Variants in FHIP1A observed in about 807,000 individuals in gnomAD.
FHIP1A encodes FHF complex subunit HOOK-interacting protein 1A.
FHIP1A carries 61 observed loss-of-function variants against 88.6 expected under a neutral mutation model. That is an observed-to-expected ratio of 0.69 (90% CI 0.56 to 0.85). FHIP1A has a LOEUF of 0.85. Ranked by LOEUF, FHIP1A falls within the 40% of genes least tolerant of loss-of-function variation. FHIP1A has a pLI of 0.00. For synonymous variants in FHIP1A, 478 were observed against 496.0 expected (o/e 0.96, Z 0.48); for missense variants, 1,154 against 1,273.5 (o/e 0.91, Z 1.43).
intron 9 of FHIP1A, among the ~76,000 whole-genome samples, chr4:151,642,802 C>G: frequency 6.6e-6 from 1 of 151,644 alleles, no homozygotes; most frequent in East Asian, 1.9e-4. Context: ...AAATAAGAAA[C>G]AGGCCCAGGG....
At chr4:151,654,677 A>AT (rs1371138571) in intron 11 of FHIP1A, among the ~76,000 whole-genome samples, 3 of 152,104 alleles carry the variant, frequency 2.0e-5, no homozygotes, top group Non-Finnish European at 2.9e-5. Context: ...TGCCATTGAC[A>AT]TTTCTGGGGT....
chr4:151,662,849 T>C lies in FHIP1A; in HGVS notation c.*95T>C. On this transcript the variant is annotated 3_prime_UTR_variant, in exon 14 of 14. Transcript: ENST00000435205. ...CAAAGCTGCTTACAAAGATTTCTAC[T>C]TTAATGTTTCCTGACAATACTTGAT... 8.4e-7 allele frequency: 1 copy of C among 1,184,108 alleles called. No homozygotes were observed. The highest frequency in any genetic ancestry group is 1.1e-6 in the Non-Finnish European group (1 of 880,134). 73.4% of individuals were successfully genotyped at this position (1,184,108 alleles called of 1,614,324 possible).
In FHIP1A at chr4:151,662,803, G is replaced by A; in HGVS notation, c.*49G>A. The A allele has an allele frequency of 2.2e-6, 3 of 1,371,842 alleles. No homozygotes were observed. Among genetic ancestry groups the A allele is most frequent in the South Asian group, 3.2e-5 (2 of 62,426 alleles). 85.0% of individuals were successfully genotyped at this position (1,371,842 alleles called of 1,614,324 possible). Reference sequence around the variant, plus strand: ...GGTTCTTGTTTTGTAAGGTTTTAGTGTCTTGACTGAATGTTAAATGCAAAG... The same window carrying A: ...GGTTCTTGTTTTGTAAGGTTTTAGTATCTTGACTGAATGTTAAATGCAAAG... On this transcript the variant is annotated 3_prime_UTR_variant, in exon 14 of 14. Transcript: ENST00000435205.
At chr4:151,471,704 G>A (rs1724050288) in intron 2 of FHIP1A, among the ~76,000 whole-genome samples, 1 of 151,780 alleles carries the variant, frequency 6.6e-6, no homozygotes, top group Non-Finnish European at 1.5e-5. Flanking sequence ...TGAGATTTTG[G>A]TGCACCCATC....
Position 151,662,623 on chromosome 4 carries a change from C to T in FHIP1A, c.2992C>T (p.Leu998=), listed in dbSNP as rs951811933. 1.3e-6 allele frequency: 2 copies of T among 1,551,598 alleles called. No individual in the cohort carries two copies. Among genetic ancestry groups the T allele is most frequent in the Admixed American group, 2.0e-5 (1 of 50,992 alleles). The change falls in exon 14 of 14, where the codon CTG becomes TTG. Residue 998 remains leucine, a synonymous_variant. Transcript: ENST00000435205. The stretch of plus-strand genomic sequence containing the variant: ...GGCTGAGGCACCCCCCAACCTGCCC[C>T]TGCCGGTGAGGAACCCCATGCTGGC... The part of the protein sequence containing the change: ...KVAEAPPNLP[L]PVRNPMLAAA...
intron 3 of FHIP1A, among the ~76,000 whole-genome samples, chr4:151,563,312 G>A (rs928267744): frequency 4.0e-5 from 6 of 151,326 alleles, no homozygotes; most frequent in Admixed American, 2.6e-4. Context: ...TTCTTTGAGT[G>A]TTTTTTTTGT....
chr4:151,593,323 G>A (rs1734512977), intron 7 of FHIP1A, among the ~76,000 whole-genome samples: 1 of 152,124 alleles, frequency 6.6e-6, no homozygotes, highest in Admixed American at 6.5e-5. Flanking sequence ...GCTTGATGGG[G>A]ATAGCATTGA....
rs1371234667 is a variant in FHIP1A, at chr4:151,649,770, C to A, written c.1729C>A (p.Leu577Met). 1 of 1,551,642 alleles carries A rather than the reference C, an allele frequency of 6.4e-7. No homozygotes were observed. Reference sequence around the variant, plus strand: ...CAGAAAGGACAAGAGCCAGACAGAGCTGGAATGGGATGACAGCTATGACAC... The same window carrying A: ...CAGAAAGGACAAGAGCCAGACAGAGATGGAATGGGATGACAGCTATGACAC... The part of the protein sequence containing the change: ...APRKDKSQTE[L>M]EWDDSYDTGI... Residue 577 changes from leucine (L) to methionine (M), a missense_variant, in exon 11 of 14, where the codon CTG becomes ATG. Physicochemically the swap from Leu to Met is conservative, Grantham distance 15. Coordinates refer to ENST00000435205, the MANE Select transcript of FHIP1A (RefSeq NM_001109977.3).
intron 1 of FHIP1A, among the ~76,000 whole-genome samples, chr4:151,419,411 GC>G (rs1733027582): frequency 6.6e-6 from 1 of 152,054 alleles, no homozygotes; most frequent in South Asian, 2.1e-4. Context: ...AATTGCGTAA[GC>G]CACTTCCTTA....
rs547577843 is a variant in FHIP1A at position 151,531,620 on chromosome 4, A to C, written c.-122-34518A>C. On this transcript the variant is annotated intron_variant, in intron 3 of 13. Coordinates refer to ENST00000435205, the MANE Select transcript of FHIP1A (RefSeq NM_001109977.3). Reference sequence around the variant, plus strand: ...AGGTGATTAATAATGTAAATGAAAAAGATGAAGTTCATTCCATGAGGGAGG... The same window carrying C: ...AGGTGATTAATAATGTAAATGAAAACGATGAAGTTCATTCCATGAGGGAGG... Among the ~76,000 whole-genome samples the C allele has an allele frequency of 6.6e-5, 10 of 152,252 alleles. No homozygotes were observed. The East Asian group carries it at 1.9e-3, about 29-fold the overall frequency.
At chr4:151,601,021 G>A (rs557943587) in intron 7 of FHIP1A, among the ~76,000 whole-genome samples, 1 of 152,224 alleles carries the variant, frequency 6.6e-6, no homozygotes, top group East Asian at 1.9e-4. Context: ...GCCATATTCT[G>A]GGCAGGTTTA....
intron 3 of FHIP1A, among the ~76,000 whole-genome samples, chr4:151,542,743 TG>T (rs553479432): frequency 6.2e-4 from 94 of 152,252 alleles, no homozygotes; most frequent in African/African-American, 2.2e-3. Flanking sequence ...TTGTCTTCCC[TG>T]GGGGAAATAA....
rs965348532 is a variant in FHIP1A, at chr4:151,670,317, A to C, written c.*7563A>C. 1 of 152,074 alleles carries C rather than the reference A, an allele frequency of 6.6e-6. No individual in the cohort carries two copies. The highest frequency in any genetic ancestry group is 1.5e-5 in the Non-Finnish European group (1 of 68,016). The allele number at this position is 152,074 out of a possible 1,614,324, so 9.4% of individuals were successfully genotyped here. A position where few individuals can be genotyped will look rare whatever the true frequency, so the allele number is the denominator to read the frequency against. ...TCAAGATTTTGATTTACTAATTTAT[A>C]ATCTTATTTCCAAGCAAAACAAGTC... On this transcript the variant is annotated 3_prime_UTR_variant, in exon 14 of 14. Coordinates refer to ENST00000435205, the MANE Select transcript of FHIP1A (RefSeq NM_001109977.3).
chr4:151,651,717 C>G (rs1285752103), intron 11 of FHIP1A, among the ~76,000 whole-genome samples: 1 of 152,200 alleles, frequency 6.6e-6, no homozygotes, highest in Non-Finnish European at 1.5e-5. Context: ...TCTGGTCCAG[C>G]CAGCCAAGTA....
At position 151,439,421 on chromosome 4, in the gene FHIP1A, G is replaced by GT. The variant is rs113305609; in HGVS notation, c.-355-15269dup. 3.2e-3 allele frequency among the ~76,000 whole-genome samples: 467 copies of GT among 147,154 alleles called. 1 individual carries two copies. Among genetic ancestry groups the GT allele is most frequent in the African/African-American group, 9.7e-3 (393 of 40,416 alleles). On this transcript the variant is annotated intron_variant, in intron 1 of 13. Transcript: ENST00000435205. ...CCATTTATTTGTATAATTTTAAAAA[G>GT]TTTTTTTTTTTCATTACCTTACCCC... is the stretch of plus-strand genomic sequence containing the variant.
chr4:151,432,247 G>A (rs1349509093), intron 1 of FHIP1A, among the ~76,000 whole-genome samples: 1 of 152,174 alleles, frequency 6.6e-6, no homozygotes, highest in African/African-American at 2.4e-5. Flanking sequence ...TAAAATATGT[G>A]TGAAAATAAC....
chr4:151,656,413 A>T lies in FHIP1A; in HGVS notation c.2730+3A>T, dbSNP rs574011651. 1 of 1,551,446 alleles carries T rather than the reference A, an allele frequency of 6.4e-7. No individual in the cohort carries two copies. The highest frequency in any genetic ancestry group is 1.4e-5 in the African/African-American group (1 of 73,162). Reference sequence around the variant, plus strand: ...CAAGCGTCCGCTCTCTCTATCAGGTATGTTAGCTGAACCCACATCCACACC... The same window carrying T: ...CAAGCGTCCGCTCTCTCTATCAGGTTTGTTAGCTGAACCCACATCCACACC... On this transcript the variant is annotated splice_donor_region_variant and intron_variant, in intron 12 of 13. Coordinates refer to ENST00000435205, the MANE Select transcript of FHIP1A (RefSeq NM_001109977.3). The surrounding 1 kb of genome is among the most constrained non-coding windows in gnomAD (Gnocchi z 4.2).
At chr4:151,606,638 C>T (rs139704198) in intron 7 of FHIP1A, among the ~76,000 whole-genome samples, 1 of 152,106 alleles carries the variant, frequency 6.6e-6, no homozygotes. Flanking sequence ...TGCAGAAAAC[C>T]CCACAAAACA....
At chr4:151,602,941 T>G (rs567693405) in intron 7 of FHIP1A, among the ~76,000 whole-genome samples, 23 of 152,316 alleles carry the variant, frequency 1.5e-4, no homozygotes, top group African/African-American at 5.3e-4. Context: ...CTAAAAGAGA[T>G]GACTGCTTCT....
Sources: gnomAD v4.1 joint callset for allele counts (sites outside exome capture counted in the v4.1 genomes callset) on GRCh38, gnomAD v4.1.1 for gene constraint, Gnocchi (gnomAD v3.1) non-coding constraint, MANE v1.5 for transcripts, NCBI Gene and HGNC (gene_info 2026-07-23, HGNC 2026-07-21) for gene names.